Variants in MAP2K4 observed in about 807,000 individuals in gnomAD.
MAP2K4 encodes the protein mitogen-activated protein kinase kinase 4.
A neutral mutation model predicts 48.5 loss-of-function variants in MAP2K4; 4 were observed. The ratio of observed to expected loss-of-function variants is 0.08; its 90% CI spans 0.04 to 0.19. The LOEUF (loss-of-function observed/expected upper bound fraction) is 0.19, where lower values mean the gene tolerates loss of function less well. MAP2K4 is among the 10% of genes least tolerant of loss of function. MAP2K4 has a pLI of 1.00. For synonymous variants in MAP2K4, 166 were observed against 173.1 expected, an observed-to-expected ratio of 0.96 and a Z score of 0.32; for missense variants, 258 against 493.3, an observed-to-expected ratio of 0.52 and a Z score of 4.52.
At chr17:12,056,998 TAAGC>T (rs1050529796) in intron 2 of MAP2K4, among the ~76,000 whole-genome samples, 1 of 152,102 alleles carries the variant, frequency 6.6e-6, no homozygotes, top group Admixed American at 6.6e-5. Context: ...TAAGATGAAA[TAAGC>T]AAGCTAATGA....
intron 1 of MAP2K4, among the ~76,000 whole-genome samples, chr17:12,033,899 C>A (rs1410319057): frequency 6.6e-6 from 1 of 152,154 alleles, no homozygotes; most frequent in Non-Finnish European, 1.5e-5. Context: ...AAGTGATCTT[C>A]CCACCTCAGC....
At chr17:12,024,683 A>C (rs1969200636) in intron 1 of MAP2K4, among the ~76,000 whole-genome samples, 2 of 152,212 alleles carry the variant, frequency 1.3e-5, no homozygotes, top group South Asian at 4.1e-4. Context: ...TTAATGTTTC[A>C]TCAATAATTT....
At chr17:12,038,082 C>T (rs1006412368) in intron 1 of MAP2K4, among the ~76,000 whole-genome samples, 1 of 152,068 alleles carries the variant, frequency 6.6e-6, no homozygotes, top group Non-Finnish European at 1.5e-5. Flanking sequence ...CATTTATATG[C>T]CACTTGAACT....
chr17:12,138,583 T>G (rs929824004), intron 9 of MAP2K4, among the ~76,000 whole-genome samples: 3 of 152,026 alleles, frequency 2.0e-5, no homozygotes, highest in Admixed American at 1.3e-4. Flanking sequence ...CATGTATAAG[T>G]GGATTTGTAC....
At chr17:12,114,022 C>T (rs769154057) in intron 7 of MAP2K4, among the ~76,000 whole-genome samples, 5 of 152,092 alleles carry the variant, frequency 3.3e-5, no homozygotes, top group Admixed American at 1.3e-4. Flanking sequence ...TCAATGTTGC[C>T]ATGGTTCTTT....
In MAP2K4 at chr17:12,141,860, TATC is replaced by T. The variant is rs1250331492; in HGVS notation, c.*603_*605del. The T allele has an allele frequency of 3.1e-4, 73 of 233,786 alleles. No individual in the cohort carries two copies. The highest frequency in any genetic ancestry group is 3.9e-4 in the Non-Finnish European group (46 of 118,162). 14.5% of individuals were successfully genotyped at this position (233,786 alleles called of 1,614,324 possible). A position where few individuals can be genotyped will look rare whatever the true frequency, so the allele number is the denominator to read the frequency against. On this transcript the variant is annotated 3_prime_UTR_variant, in exon 11 of 11. Transcript: ENST00000353533. The stretch of plus-strand genomic sequence containing the variant: ...GCTCAGCCAAATTTCCTGTTTGAAA[TATC>T]ATGTTAAATTAGAATGAATTTATCT...
chr17:12,092,670 A>G (rs1170560044), intron 3 of MAP2K4, among the ~76,000 whole-genome samples: 1 of 152,184 alleles, frequency 6.6e-6, no homozygotes. Context: ...GCCTTTTGAA[A>G]TAGTTTATTA....
At chr17:12,070,271 G>A (rs889171768) in intron 2 of MAP2K4, among the ~76,000 whole-genome samples, 1 of 151,956 alleles carries the variant, frequency 6.6e-6, no homozygotes, top group East Asian at 1.9e-4. Context: ...CTCATGTGCA[G>A]GAAAAAGAAA....
Position 12,081,961 on chromosome 17 carries a change from A to G in MAP2K4, c.393+431A>G, listed in dbSNP as rs1971203339. ...ACTGAAGGTTTCCTGGAAACCACGC[A>G]CATGCTGTTGCCACTAACCTCAACC... On this transcript the variant is annotated intron_variant, in intron 3 of 10. Coordinates refer to ENST00000353533, the MANE Select transcript of MAP2K4 (RefSeq NM_003010.4). This position sits in a 1 kb window ranked among gnomAD's most constrained non-coding sequence, Gnocchi z 4.2. 1 of 533,420 alleles carries G rather than the reference A, an allele frequency of 1.9e-6. No homozygotes were observed. The allele number at this position is 533,420 out of a possible 1,614,324, so 33.0% of individuals were successfully genotyped here. A position where few individuals can be genotyped will look rare whatever the true frequency, so the allele number is the denominator to read the frequency against.
chr17:12,022,936 G>C (rs1173381846), intron 1 of MAP2K4, among the ~76,000 whole-genome samples: 1 of 152,188 alleles, frequency 6.6e-6, no homozygotes, highest in Non-Finnish European at 1.5e-5. Flanking sequence ...AAGCAGGGAA[G>C]AGCTTGGAGT....
intron 1 of MAP2K4, among the ~76,000 whole-genome samples, chr17:12,028,690 G>A (rs1969336871): frequency 1.3e-5 from 2 of 152,096 alleles, no homozygotes; most frequent in Admixed American, 6.5e-5. Context: ...ACATTAGTGT[G>A]GGTTCATATT....
intron 1 of MAP2K4, chr17:12,032,427 C>T (rs1969469365): frequency 4.9e-6 from 2 of 411,318 alleles, no homozygotes; most frequent in East Asian, 7.1e-5. Context: ...TACCATTTTT[C>T]ATTCTTCTTC....
rs568469702 is a variant in MAP2K4, at chr17:12,115,657, C to T, written c.813+2297C>T. ...TGGTGGTTAACGCTTATTAACACAG[C>T]AAAGTGAACCAGTGGAACACAAATG... On this transcript the variant is annotated intron_variant, in intron 7 of 10. Transcript: ENST00000353533. 69 of 753,788 alleles carry T rather than the reference C, an allele frequency of 9.2e-5. No homozygotes were observed. In the African/African-American group the frequency reaches 1.1e-3, roughly 12 times the overall value. 46.7% of individuals were successfully genotyped at this position (753,788 alleles called of 1,614,324 possible).
intron 2 of MAP2K4, among the ~76,000 whole-genome samples, chr17:12,066,315 A>G (rs975075039): frequency 2.0e-5 from 3 of 152,168 alleles, no homozygotes; most frequent in Non-Finnish European, 4.4e-5. Context: ...CTTAATATTT[A>G]TCTCCAAAGA....
At chr17:12,129,410 C>A in intron 9 of MAP2K4, 123 bp downstream of exon 9, 1 of 1,089,412 alleles carries the variant, frequency 9.2e-7, no homozygotes, top group Non-Finnish European at 1.4e-6. Flanking sequence ...CCCTACTTTT[C>A]AAGCTGGGAC....
At position 12,025,231 on chromosome 17, in the gene MAP2K4, C is replaced by A. The variant is rs12103491; in HGVS notation, c.115+4230C>A. 3.5e-3 allele frequency among the ~76,000 whole-genome samples: 527 copies of A among 152,276 alleles called. 3 individuals are homozygous for A. Among genetic ancestry groups the A allele is most frequent in the African/African-American group, 8.4e-3 (351 of 41,556 alleles). ...CAAACACTGAGATTTTAGGGAAATT[C>A]CCTAACTTTTCTCAACTCTCTGTTC... On this transcript the variant is annotated intron_variant, in intron 1 of 10. Transcript: ENST00000353533.
At chr17:12,079,890 G>C (rs1971133832) in intron 2 of MAP2K4, among the ~76,000 whole-genome samples, 1 of 152,078 alleles carries the variant, frequency 6.6e-6, no homozygotes, top group Non-Finnish European at 1.5e-5. Context: ...TCACCTAAAT[G>C]GTCACTTATG....
chr17:12,025,160 A>C (rs944602398), intron 1 of MAP2K4, among the ~76,000 whole-genome samples: 3 of 152,200 alleles, frequency 2.0e-5, no homozygotes, highest in African/African-American at 7.2e-5. Context: ...AGAGCACTGG[A>C]CTTAGACTCA....
In MAP2K4 at chr17:12,127,658, T is replaced by C. The variant is rs371460674; in HGVS notation, c.892-1481T>C. Among the ~76,000 whole-genome samples, 7 of 152,368 alleles carry C rather than the reference T, an allele frequency of 4.6e-5. No individual in the cohort carries two copies. In the South Asian group the frequency reaches 6.2e-4, roughly 14 times the overall value. ...ATCCTAAGTCCTTTATTTTATGACA[T>C]ACAGCCAACTTTTCCTTCTATTATT... On this transcript the variant is annotated intron_variant, in intron 8 of 10. Transcript: ENST00000353533.
Sources: gnomAD v4.1 joint callset for allele counts (sites outside exome capture counted in the v4.1 genomes callset) on GRCh38, gnomAD v4.1.1 for gene constraint, Gnocchi (gnomAD v3.1) non-coding constraint, MANE v1.5 for transcripts, NCBI Gene and HGNC (gene_info 2026-07-23, HGNC 2026-07-21) for gene names.